Variants in SYNDIG1L observed in about 807,000 individuals in gnomAD.
SYNDIG1L encodes the protein synapse differentiation inducing 1 like.
A neutral mutation model predicts 20.1 loss-of-function variants in SYNDIG1L; 13 were observed. That is an observed-to-expected ratio of 0.65 (90% CI 0.42 to 1.03). The LOEUF is 1.03. Ranked by LOEUF, SYNDIG1L falls within the 50% of genes least tolerant of loss-of-function variation. The pLI is 0.00. For missense variants in SYNDIG1L, 294 were observed against 305.1 expected, an observed-to-expected ratio of 0.96 and a Z score of 0.27; for synonymous variants, 128 against 129.3, an observed-to-expected ratio of 0.99 and a Z score of 0.07.
chr14:74,460,301 T>C, the SYNDIG1L span, among the ~76,000 whole-genome samples: 1 of 152,170 alleles, frequency 6.6e-6, no homozygotes, highest in East Asian at 1.9e-4. Flanking sequence ...AAGACCTCGC[T>C]TTCCCTATTA....
At chr14:74,432,140 G>GGTGTGTGTGTGT in the SYNDIG1L span, among the ~76,000 whole-genome samples, 89 of 121,082 alleles carry the variant, frequency 7.4e-4, no homozygotes, top group Non-Finnish European at 1.1e-3. Flanking sequence ...TGCCTTGGAA[G>GGTGTGTGTGTGT]GTGTGTGTGT....
chr14:74,466,987 C>T, the SYNDIG1L span, among the ~76,000 whole-genome samples: 1 of 152,188 alleles, frequency 6.6e-6, no homozygotes. Flanking sequence ...TCACACTTCA[C>T]AAGGGGAAAT....
At chr14:74,473,364 G>A in the SYNDIG1L span, among the ~76,000 whole-genome samples, 100 of 152,154 alleles carry the variant, frequency 6.6e-4, no homozygotes, top group African/African-American at 2.1e-3. Flanking sequence ...TAGCCTGGGC[G>A]ACAGAGTGAG....
the SYNDIG1L span, among the ~76,000 whole-genome samples, chr14:74,450,333 T>C: frequency 2.6e-5 from 4 of 151,968 alleles, no homozygotes; most frequent in Non-Finnish European, 5.9e-5. Context: ...TTCCAGAAAA[T>C]GGAAGAGGAG....
chr14:74,436,227 AT>A, the SYNDIG1L span, among the ~76,000 whole-genome samples: 69,616 of 138,238 alleles, frequency 0.5, 17,060 homozygotes, highest in African/African-American at 0.6. Flanking sequence ...TACCCCACTC[AT>A]TTTTTTTTTT....
upstream of SYNDIG1L, among the ~76,000 whole-genome samples, chr14:74,430,444 T>A (rs1460842404): frequency 2.0e-5 from 3 of 151,980 alleles, no homozygotes; most frequent in Non-Finnish European, 4.4e-5. Flanking sequence ...CGCATTCTTT[T>A]TTTTTTTTTG....
upstream of SYNDIG1L, among the ~76,000 whole-genome samples, chr14:74,426,447 C>G (rs1278028793): frequency 1.3e-5 from 2 of 152,078 alleles, no homozygotes; most frequent in African/African-American, 4.8e-5. Context: ...TCTTTCCCAG[C>G]CCTTCTCTCC....
intron 1 of SYNDIG1L, among the ~76,000 whole-genome samples, chr14:74,411,980 G>A (rs978657898): frequency 5.3e-5 from 8 of 152,222 alleles, no homozygotes; most frequent in African/African-American, 9.6e-5. Flanking sequence ...TTAACCAGAG[G>A]TGAGTTCCAT....
the SYNDIG1L span, among the ~76,000 whole-genome samples, chr14:74,462,880 T>C: frequency 6.6e-6 from 1 of 152,170 alleles, no homozygotes; most frequent in African/African-American, 2.4e-5. Flanking sequence ...AACCCCCTCA[T>C]GGGTCAAGGA....
the SYNDIG1L span, among the ~76,000 whole-genome samples, chr14:74,469,221 T>A: frequency 6.6e-6 from 1 of 152,154 alleles, no homozygotes; most frequent in South Asian, 2.1e-4. Flanking sequence ...TCATGTCCTT[T>A]GTAGGGACAT....
chr14:74,436,985 C>T, the SYNDIG1L span, among the ~76,000 whole-genome samples: 46 of 152,182 alleles, frequency 3.0e-4, no homozygotes, highest in African/African-American at 1.1e-3. Context: ...GCACTCAGAG[C>T]GTTGTACTTT....
At chr14:74,439,546 G>T in the SYNDIG1L span, among the ~76,000 whole-genome samples, 1 of 152,082 alleles carries the variant, frequency 6.6e-6, no homozygotes, top group Non-Finnish European at 1.5e-5. Flanking sequence ...GCTGTGAAAT[G>T]ATGTATATTT....
chr14:74,469,830 C>T, the SYNDIG1L span, among the ~76,000 whole-genome samples: 11 of 152,154 alleles, frequency 7.2e-5, no homozygotes, highest in African/African-American at 2.7e-4. Context: ...AGGTGCTTTC[C>T]AACCCTGGAA....
chr14:74,409,923 G>C (rs951713670), intron 1 of SYNDIG1L, 122 bp from the exon 2 acceptor site: 5 of 739,998 alleles, frequency 6.8e-6, no homozygotes, highest in Admixed American at 4.2e-5. Context: ...CCCTTTGCAA[G>C]ATGCAGGACC....
intron 1 of SYNDIG1L, among the ~76,000 whole-genome samples, chr14:74,414,412 G>A (rs564836040): frequency 6.6e-6 from 1 of 152,314 alleles, no homozygotes; most frequent in Admixed American, 6.5e-5. Flanking sequence ...GCAGCACCCA[G>A]GTTGTCTTTT....
the SYNDIG1L span, among the ~76,000 whole-genome samples, chr14:74,448,131 C>T: frequency 6.6e-6 from 1 of 151,958 alleles, no homozygotes; most frequent in South Asian, 2.1e-4. Context: ...AAAACAAATA[C>T]TAGGATGATA....
At chr14:74,444,402 G>T in the SYNDIG1L span, among the ~76,000 whole-genome samples, 1 of 151,558 alleles carries the variant, frequency 6.6e-6, no homozygotes, top group African/African-American at 2.4e-5. Context: ...TTTACAATAT[G>T]TATTTATTAT....
At chr14:74,422,731 T>TTAA (rs2086233387) in intron 1 of SYNDIG1L, among the ~76,000 whole-genome samples, 1 of 150,734 alleles carries the variant, frequency 6.6e-6, no homozygotes, top group East Asian at 2.0e-4. Flanking sequence ...TTTTTTTTTT[T>TTAA]AAGACAGGGT....
At chr14:74,423,203 C>T (rs900903157) in intron 1 of SYNDIG1L, among the ~76,000 whole-genome samples, 7 of 152,118 alleles carry the variant, frequency 4.6e-5, no homozygotes, top group Admixed American at 3.3e-4. Flanking sequence ...TAGTTTTCCC[C>T]GGTCAGGAGA....
Sources: gnomAD v4.1 joint callset for allele counts (sites outside exome capture counted in the v4.1 genomes callset) on GRCh38, gnomAD v4.1.1 for gene constraint, MANE v1.5 for transcripts, NCBI Gene and HGNC (gene_info 2026-07-23, HGNC 2026-07-21) for gene names.